AHI1: variants seen among roughly 807,000 people sequenced by gnomAD.
The protein encoded by AHI1 is jouberin.
In AHI1, 123 loss-of-function variants were observed where a neutral mutation model predicts 149.3. The ratio of observed to expected loss-of-function variants is 0.82; its 90% CI spans 0.71 to 0.96. The LOEUF (loss-of-function observed/expected upper bound fraction) is 0.96, where lower values mean the gene tolerates loss of function less well. Ranked by LOEUF, AHI1 falls within the 40% of genes least tolerant of loss-of-function variation. AHI1 has a pLI of 0.00. For missense variants in AHI1, 1,439 were observed against 1,422.7 expected (o/e 1.01, Z -0.18); for synonymous variants, 475 against 459.8 (o/e 1.03, Z -0.42).
At chr6:135,386,653 G>A (rs188903189) in intron 23 of AHI1, among the ~76,000 whole-genome samples, 265 of 150,546 alleles carry the variant, frequency 1.8e-3, no homozygotes, top group African/African-American at 6.1e-3. Flanking sequence ...TTTTTGAGAC[G>A]GAGTTTTGCT....
At chr6:135,374,115 T>G (rs71547122) in intron 23 of AHI1, among the ~76,000 whole-genome samples, 1 of 93,304 alleles carries the variant, frequency 1.1e-5, no homozygotes. Flanking sequence ...TATATTTTTT[T>G]TTTTTTTTTT....
At chr6:135,371,437 TC>T (rs1218580925) in intron 23 of AHI1, among the ~76,000 whole-genome samples, 1 of 152,226 alleles carries the variant, frequency 6.6e-6, no homozygotes, top group African/African-American at 2.4e-5. Flanking sequence ...GTGATATTTT[TC>T]CTTTACCTAG....
intron 23 of AHI1, chr6:135,387,978 A>G: frequency 6.2e-7 from 1 of 1,613,684 alleles, no homozygotes; most frequent in Non-Finnish European, 8.5e-7. Context: ...GCTGACCCTG[A>G]GTCTAGTGCT....
At chr6:135,414,512 G>A (rs527380367) in intron 20 of AHI1, among the ~76,000 whole-genome samples, 1 of 152,052 alleles carries the variant, frequency 6.6e-6, no homozygotes, top group South Asian at 2.1e-4. Context: ...CAGACTGGGG[G>A]GAAATACCTG....
At chr6:135,342,228 CA>C (rs1277453562) in intron 24 of AHI1, among the ~76,000 whole-genome samples, 1 of 151,728 alleles carries the variant, frequency 6.6e-6, no homozygotes, top group Non-Finnish European at 1.5e-5. Flanking sequence ...TAGAAAGATG[CA>C]ACTTAAAACT....
chr6:135,469,493 A>G (rs893992904), intron 5 of AHI1, among the ~76,000 whole-genome samples: 2 of 152,180 alleles, frequency 1.3e-5, no homozygotes, highest in African/African-American at 4.8e-5. Flanking sequence ...ATTCATATGG[A>G]ACAAAAAAAG....
chr6:135,439,197 G>C (rs1785884656), intron 14 of AHI1, among the ~76,000 whole-genome samples: 2 of 152,208 alleles, frequency 1.3e-5, no homozygotes, highest in South Asian at 4.1e-4. Context: ...TGTGGTTTCA[G>C]TTACCCGCAG....
At chr6:135,289,872 G>A (rs1782124529) in intron 28 of AHI1, among the ~76,000 whole-genome samples, 1 of 151,690 alleles carries the variant, frequency 6.6e-6, no homozygotes. Flanking sequence ...ACTTAATAGA[G>A]AAAAGGCCTT....
intron 22 of AHI1, among the ~76,000 whole-genome samples, chr6:135,398,118 T>C (rs1433323892): frequency 1.4e-5 from 2 of 147,552 alleles, no homozygotes; most frequent in Non-Finnish European, 3.0e-5. Flanking sequence ...AAAATATCAG[T>C]ATTAAAGAAA....
chr6:135,419,780 G>A (rs2127992212), intron 20 of AHI1, among the ~76,000 whole-genome samples: 1 of 152,168 alleles, frequency 6.6e-6, no homozygotes, highest in Non-Finnish European at 1.5e-5. Flanking sequence ...AATGAAATTT[G>A]CTGCACTGAT....
At chr6:135,296,184 T>G (rs1279315558) in intron 27 of AHI1, among the ~76,000 whole-genome samples, 1 of 152,172 alleles carries the variant, frequency 6.6e-6, no homozygotes, top group Non-Finnish European at 1.5e-5. Context: ...GTGTATCTCT[T>G]TATAAGTTAG....
chr6:135,454,344 A>G (rs1284385416), intron 10 of AHI1, among the ~76,000 whole-genome samples: 2 of 152,174 alleles, frequency 1.3e-5, no homozygotes, highest in African/African-American at 4.8e-5. Context: ...GTCAATACAT[A>G]CACATGAATA....
chr6:135,313,181 T>G (rs975762923), intron 26 of AHI1, among the ~76,000 whole-genome samples: 6 of 152,210 alleles, frequency 3.9e-5, no homozygotes, highest in Admixed American at 6.5e-5. Flanking sequence ...TAGGGGCTTC[T>G]TTTCCATAAA....
In AHI1 at chr6:135,467,705, T is replaced by C. The variant is rs1372073716; in HGVS notation, c.136-71A>G. ...TGTATCAAGAAAAACCAATAATTAATGTTCAACTATGTGGAATTATTGGGA... is the reference window on the plus strand; with the variant it reads ...TGTATCAAGAAAAACCAATAATTAACGTTCAACTATGTGGAATTATTGGGA... On this transcript the variant is annotated intron_variant, in intron 5 of 28. Transcript: ENST00000265602. 4 of 1,059,736 alleles carry C rather than the reference T, an allele frequency of 3.8e-6. No homozygotes were observed. In the African/African-American group the frequency reaches 4.8e-5, roughly 13 times the overall value. 65.6% of individuals were successfully genotyped at this position (1,059,736 alleles called of 1,614,324 possible). A position where few individuals can be genotyped will look rare whatever the true frequency, so the allele number is the denominator to read the frequency against.
At chr6:135,309,206 T>C (rs1784862855) in intron 26 of AHI1, among the ~76,000 whole-genome samples, 1 of 152,218 alleles carries the variant, frequency 6.6e-6, no homozygotes, top group African/African-American at 2.4e-5. Context: ...TTCAGGACTC[T>C]ATTGTTGGGA....
At chr6:135,490,110 T>C in intron 5 of AHI1, 1 of 711,014 alleles carries the variant, frequency 1.4e-6, no homozygotes, top group South Asian at 1.5e-5. Context: ...TGCTTAGTCT[T>C]TGAGCACTGT....
intron 23 of AHI1, among the ~76,000 whole-genome samples, chr6:135,377,657 T>G (rs1337665132): frequency 6.6e-6 from 1 of 152,012 alleles, no homozygotes; most frequent in Non-Finnish European, 1.5e-5. Flanking sequence ...TTTTTAAATT[T>G]TTTTGTAGTA....
intron 5 of AHI1, among the ~76,000 whole-genome samples, chr6:135,479,256 G>T (rs1583449669): frequency 6.6e-6 from 1 of 152,336 alleles, no homozygotes; most frequent in East Asian, 1.9e-4. Context: ...CAGAATTGTA[G>T]ATCCAGATAG....
chr6:135,414,357 CAG>C (rs1031376622), intron 20 of AHI1, among the ~76,000 whole-genome samples: 1 of 152,088 alleles, frequency 6.6e-6, no homozygotes, highest in Non-Finnish European at 1.5e-5. Context: ...TAGAAAAAAA[CAG>C]AGAACACCTT....
Sources: allele counts gnomAD v4.1 joint callset (sites outside exome capture counted in the v4.1 genomes callset), GRCh38; gene constraint gnomAD v4.1.1; transcripts MANE v1.5; gene names NCBI Gene and HGNC (gene_info 2026-07-23, HGNC 2026-07-21).